LTB4R: variants seen among roughly 807,000 people sequenced by gnomAD.
The protein encoded by LTB4R is leukotriene B4 receptor, also known as leukotriene B4 receptor 1.
For missense variants in LTB4R, 470 were observed against 485.6 expected (o/e 0.97, Z 0.30); for synonymous variants, 250 against 230.7 (o/e 1.08, Z -0.76).
rs1162723779 is a variant in LTB4R at position 24,315,879 on chromosome 14, C to T, written c.228C>T (p.His76=). ...TGCTCACTGCTCCCTTTTTCCTTCA[C>T]TTCCTGGCCCAAGGCACCTGGAGTT... ...AVLLTAPFFL[H]FLAQGTWSFG... The change falls in exon 2 of 2, where the codon CAC becomes CAT. Residue 76 remains histidine (H), a synonymous_variant. Coordinates refer to ENST00000345363, the MANE Select transcript of LTB4R (RefSeq NM_001143919.3). 1 of 1,614,236 alleles carries T rather than the reference C, an allele frequency of 6.2e-7. No homozygotes were observed. The highest frequency in any genetic ancestry group is 8.5e-7 in the Non-Finnish European group (1 of 1,180,040).
intron 1 of LTB4R, chr14:24,313,337 A>G (rs1356017596): frequency 6.6e-6 from 1 of 152,120 alleles, no homozygotes; most frequent in Admixed American, 6.5e-5. Flanking sequence ...CCGTGCGGTC[A>G]GGAAGCCCTT....
chr14:24,316,639 G>T lies in LTB4R; in HGVS notation c.988G>T (p.Ala330Ser), dbSNP rs757895009. Residue 330 changes from alanine to serine, a missense_variant, in exon 2 of 2, where the codon GCC (alanine) becomes TCC (serine). Coordinates refer to ENST00000345363, the MANE Select transcript of LTB4R (RefSeq NM_001143919.3). ...SLGQTARSGP[A>S]ALEPGPSESL... ...GGGCCAGACCGCTAGGAGCGGCCCCGCCGCTCTGGAGCCCGGCCCTTCCGA... is the reference window on the plus strand; with the variant it reads ...GGGCCAGACCGCTAGGAGCGGCCCCTCCGCTCTGGAGCCCGGCCCTTCCGA... The T allele has an allele frequency of 6.5e-7, 1 of 1,527,996 alleles. No homozygotes were observed. The highest frequency in any genetic ancestry group is 1.2e-5 in the South Asian group (1 of 82,930). The allele number at this position is 1,527,996 out of a possible 1,614,324, so 94.7% of individuals were successfully genotyped here.
chr14:24,312,647 T>G (rs191044287), intron 1 of LTB4R, among the ~76,000 whole-genome samples: 33 of 152,338 alleles, frequency 2.2e-4, no homozygotes, highest in African/African-American at 7.0e-4. Context: ...CTGGGCTCCT[T>G]CTAAGATGCT....
intron 1 of LTB4R, chr14:24,315,162 C>T (rs2041757271): frequency 6.3e-6 from 1 of 158,156 alleles, no homozygotes; most frequent in Non-Finnish European, 1.4e-5. Context: ...GTCCACTAAA[C>T]TCCTCCCCTC....
In LTB4R at chr14:24,316,564, C is replaced by A; in HGVS notation, c.913C>A (p.Leu305Met). ...GGGCGTGGGCTTCGTCGCCAAGCTG[C>A]TGGAGGGCACGGGCTCCGAGGCGTC... ...SAGVGFVAKL[L>M]EGTGSEASST... Residue 305 changes from leucine to methionine, a missense_variant, in exon 2 of 2, where the codon CTG (leucine) becomes ATG (methionine). Coordinates refer to ENST00000345363, the MANE Select transcript of LTB4R (RefSeq NM_001143919.3). 2 of 1,437,718 alleles carry A rather than the reference C, an allele frequency of 1.4e-6. No homozygotes were observed. Among genetic ancestry groups the A allele is most frequent in the Non-Finnish European group, 9.1e-7 (1 of 1,102,946 alleles). The allele number at this position is 1,437,718 out of a possible 1,614,324, so 89.1% of individuals were successfully genotyped here.
At position 24,311,727 on chromosome 14, in the gene LTB4R, G is replaced by C; in HGVS notation, c.-93G>C. 1 of 1,585,368 alleles carries C rather than the reference G, an allele frequency of 6.3e-7. No homozygotes were observed. Among genetic ancestry groups the C allele is most frequent in the Non-Finnish European group, 8.6e-7 (1 of 1,164,012 alleles). ...GGGTGGGATGGAGAAGGACGGTCCG[G>C]AATGGGACCTTTGACAGCAGACCCT... On this transcript the variant is annotated 5_prime_UTR_variant, in exon 1 of 2. Coordinates refer to ENST00000345363, the MANE Select transcript of LTB4R (RefSeq NM_001143919.3).
rs1385037116 is a variant in LTB4R at position 24,317,824 on chromosome 14, G to A, written c.*1114G>A. On this transcript the variant is annotated 3_prime_UTR_variant, in exon 2 of 2. Coordinates refer to ENST00000345363, the MANE Select transcript of LTB4R (RefSeq NM_001143919.3). Reference sequence around the variant, plus strand: ...AGAAGGATGCAGAAGGAAGCAAAGGGATGTTGGATGGACCTAAGAAGAGGA... The same window carrying A: ...AGAAGGATGCAGAAGGAAGCAAAGGAATGTTGGATGGACCTAAGAAGAGGA... 5.8e-6 allele frequency: 1 copy of A among 171,466 alleles called. No individual in the cohort carries two copies. The highest frequency in any genetic ancestry group is 1.4e-5 in the Non-Finnish European group (1 of 70,580). The allele number at this position is 171,466 out of a possible 1,614,324, so 10.6% of individuals were successfully genotyped here.
chr14:24,316,221 C>T lies in LTB4R; in HGVS notation c.570C>T (p.Phe190=), dbSNP rs769412404. 1.2e-6 allele frequency: 2 copies of T among 1,613,674 alleles called. No homozygotes were observed. Among genetic ancestry groups the T allele is most frequent in the Non-Finnish European group, 1.7e-6 (2 of 1,180,034 alleles). ...FHLIFEAVTG[F]LLPFLAVVAS... is the part of the protein sequence containing the mutation. ...TAATCTTCGAGGCTGTCACGGGCTTCCTGCTGCCCTTCCTGGCTGTGGTGG... is the reference window on the plus strand; with the variant it reads ...TAATCTTCGAGGCTGTCACGGGCTTTCTGCTGCCCTTCCTGGCTGTGGTGG... The change falls in exon 2 of 2, where the codon TTC becomes TTT. Residue 190 remains phenylalanine, a synonymous_variant. Transcript: ENST00000345363.
chr14:24,316,691 A>G lies in LTB4R; in HGVS notation c.1040A>G (p.Lys347Arg). ...AGCCTCACTGCCTCCAGCCCTCTCA[A>G]GTTAAACGAACTGAACTAGGCCTGG... ...SESLTASSPL[K>R]LNELN Residue 347 changes from lysine to arginine, a missense_variant, in exon 2 of 2, where the codon AAG becomes AGG. Lys to Arg is a conservative substitution (Grantham distance 26). Transcript: ENST00000345363. The G allele has an allele frequency of 2.6e-6, 4 of 1,535,738 alleles. No homozygotes were observed. The highest frequency in any genetic ancestry group is 3.5e-6 in the Non-Finnish European group (4 of 1,141,740).
In LTB4R at chr14:24,316,407, G is replaced by A; in HGVS notation, c.756G>A (p.Gln252=). Residue 252 remains glutamine, a synonymous_variant, in exon 2 of 2, where the codon CAG becomes CAA. Coordinates refer to ENST00000345363, the MANE Select transcript of LTB4R (RefSeq NM_001143919.3). ...LAEAGRALAG[Q]AAGLGLVGKR... ...AGGCGGGCCGCGCGCTGGCCGGCCA[G>A]GCCGCCGGGTTAGGGCTCGTGGGGA... 1 of 1,579,976 alleles carries A rather than the reference G, an allele frequency of 6.3e-7. No homozygotes were observed. The highest frequency in any genetic ancestry group is 8.6e-7 in the Non-Finnish European group (1 of 1,167,518).
Position 24,316,468 on chromosome 14 carries a change from C to T in LTB4R, c.817C>T (p.Leu273Phe), listed in dbSNP as rs535078695. The change falls in exon 2 of 2, where the codon CTC (leucine) becomes TTC (phenylalanine). Residue 273 changes from leucine to phenylalanine, a missense_variant. Transcript: ENST00000345363. ...CCTGGCCCGCAACGTGCTCATCGCACTCGCCTTCCTGAGCAGCAGCGTGAA... is the reference window on the plus strand; with the variant it reads ...CCTGGCCCGCAACGTGCTCATCGCATTCGCCTTCCTGAGCAGCAGCGTGAA... The part of the protein sequence containing the change: ...LSLARNVLIA[L>F]AFLSSSVNPV... 2.6e-6 allele frequency: 4 copies of T among 1,562,366 alleles called. No homozygotes were observed. The South Asian group carries it at 3.5e-5, about 14-fold the overall frequency.
Position 24,316,622 on chromosome 14 carries a change from C to A in LTB4R, c.971C>A (p.Thr324Asn). 1 of 1,506,266 alleles carries A rather than the reference C, an allele frequency of 6.6e-7. No homozygotes were observed. The highest frequency in any genetic ancestry group is 8.8e-7 in the Non-Finnish European group (1 of 1,130,230). 93.3% of individuals were successfully genotyped at this position (1,506,266 alleles called of 1,614,324 possible). ...CGCCGCGGGGGCAGCCTGGGCCAGA[C>A]CGCTAGGAGCGGCCCCGCCGCTCTG... is the stretch of plus-strand genomic sequence containing the variant. ...STRRGGSLGQ[T>N]ARSGPAALEP... Residue 324 changes from threonine (T) to asparagine (N), a missense_variant, in exon 2 of 2, where the codon ACC (threonine) becomes AAC (asparagine). Transcript: ENST00000345363.
intron 1 of LTB4R, chr14:24,313,990 T>G (rs1187873818): frequency 6.6e-6 from 1 of 152,238 alleles, no homozygotes; most frequent in Non-Finnish European, 1.5e-5. Context: ...TGGTTTCCCC[T>G]CTTGGCAGGG....
chr14:24,311,517 C>G lies in LTB4R; in HGVS notation c.-303C>G. On this transcript the variant is annotated 5_prime_UTR_variant, in exon 1 of 2. Transcript: ENST00000345363. ...GGCCTTCTTCAGTTCTAGCGTCAAC[C>G]CGGTGCTCTACGTCTTCACCGCTGG... The G allele has an allele frequency of 6.2e-7, 1 of 1,603,332 alleles. No homozygotes were observed. Among genetic ancestry groups the G allele is most frequent in the Non-Finnish European group, 8.5e-7 (1 of 1,179,988 alleles).
At position 24,311,608 on chromosome 14, in the gene LTB4R, G is replaced by A. The variant is rs761046681; in HGVS notation, c.-212G>A. 2.5e-6 allele frequency: 4 copies of A among 1,612,734 alleles called. No homozygotes were observed. The highest frequency in any genetic ancestry group is 2.2e-5 in the East Asian group (1 of 44,884). ...CTCTTCGAAGGCTCTGGGGAGGCCC[G>A]AGGGGGCGGCCGCTCTAGGGAAGGG... On this transcript the variant is annotated 5_prime_UTR_variant, in exon 1 of 2. Transcript: ENST00000345363.
Position 24,316,532 on chromosome 14 carries a change from G to C in LTB4R, c.881G>C (p.Arg294Pro), listed in dbSNP as rs749855593. 1 of 1,453,256 alleles carries C rather than the reference G, an allele frequency of 6.9e-7. No homozygotes were observed. Among genetic ancestry groups the C allele is most frequent in the Non-Finnish European group, 9.0e-7 (1 of 1,110,164 alleles). 90.0% of individuals were successfully genotyped at this position (1,453,256 alleles called of 1,614,324 possible). A position where few individuals can be genotyped will look rare whatever the true frequency, so the allele number is the denominator to read the frequency against. The change falls in exon 2 of 2, where the codon CGC becomes CCC. Residue 294 changes from arginine (R) to proline (P), a missense_variant. By Grantham distance (103) the Arg-to-Pro change is moderately radical. Coordinates refer to ENST00000345363, the MANE Select transcript of LTB4R (RefSeq NM_001143919.3). ...LYACAGGGLL[R>P]SAGVGFVAKL... ...GCGTGCGCCGGCGGCGGCCTGCTGCGCTCGGCGGGCGTGGGCTTCGTCGCC... is the reference window on the plus strand; with the variant it reads ...GCGTGCGCCGGCGGCGGCCTGCTGCCCTCGGCGGGCGTGGGCTTCGTCGCC...
Position 24,315,586 on chromosome 14 carries a change from G to A in LTB4R, c.-15-51G>A, listed in dbSNP as rs565757645. 75 of 1,272,356 alleles carry A rather than the reference G, an allele frequency of 5.9e-5. No homozygotes were observed. In the East Asian group the frequency reaches 1.7e-3, roughly 29 times the overall value. The allele number at this position is 1,272,356 out of a possible 1,614,324, so 78.8% of individuals were successfully genotyped here. A position where few individuals can be genotyped will look rare whatever the true frequency, so the allele number is the denominator to read the frequency against. ...CAGCCTAGGTGTGTCCATGGCGTCA[G>A]GAAACCCTTGGTCCTCTACTCTCAT... is the stretch of plus-strand genomic sequence containing the variant. On this transcript the variant is annotated intron_variant, in intron 1 of 1. Transcript: ENST00000345363.
intron 1 of LTB4R, among the ~76,000 whole-genome samples, chr14:24,312,333 T>C (rs896455185): frequency 6.6e-6 from 1 of 152,130 alleles, no homozygotes. Flanking sequence ...AAGGGGAAAA[T>C]GAATCTGTGG....
Position 24,317,087 on chromosome 14 carries a change from T to G in LTB4R, c.*377T>G, listed in dbSNP as rs4981503. 162,796 of 200,356 alleles carry G rather than the reference T, an allele frequency of 0.81. 66,621 individuals are homozygous for G. The highest frequency in any genetic ancestry group is 1 in the East Asian group (7,305 of 7,316). 12.4% of individuals were successfully genotyped at this position (200,356 alleles called of 1,614,324 possible). ...GAAGGGACACAAAGAAACATAGACT[T>G]CCCCCATCCCAGATGATTCCGAGTA... On this transcript the variant is annotated 3_prime_UTR_variant, in exon 2 of 2. Coordinates refer to ENST00000345363, the MANE Select transcript of LTB4R (RefSeq NM_001143919.3).
Sources: allele counts gnomAD v4.1 joint callset (sites outside exome capture counted in the v4.1 genomes callset), GRCh38; gene constraint gnomAD v4.1.1; transcripts MANE v1.5; gene names NCBI Gene and HGNC (gene_info 2026-07-23, HGNC 2026-07-21).